Variants in RRP1B observed in about 807,000 individuals in gnomAD.
The protein encoded by RRP1B is ribosomal RNA processing protein 1 homolog B.
A neutral mutation model predicts 80.2 loss-of-function variants in RRP1B; 56 were observed. The ratio of observed to expected loss-of-function variants is 0.70; its 90% confidence interval spans 0.56 to 0.87. RRP1B has a LOEUF of 0.87. Ranked by LOEUF, RRP1B falls within the 40% of genes least tolerant of loss-of-function variation. The pLI is 0.00. For missense variants in RRP1B, 807 were observed against 939.8 expected (o/e 0.86, Z 1.85); for synonymous variants, 351 against 357.6 (o/e 0.98, Z 0.21).
chr21:43,687,406 T>G, intron 12 of RRP1B, 110 bp from the exon 13 acceptor site: 2 of 1,261,094 alleles, frequency 1.6e-6, no homozygotes, highest in Non-Finnish European at 2.1e-6. Flanking sequence ...ACTTTCCTCG[T>G]GGTAGAATGT....
intron 13 of RRP1B, among the ~76,000 whole-genome samples, chr21:43,689,203 G>A (rs79234581): frequency 0.024 from 3,687 of 152,350 alleles, 148 homozygotes; most frequent in African/African-American, 0.081. Flanking sequence ...ATGCTGCAGC[G>A]GCAGAGGGGA....
At chr21:43,668,382 A>G (rs2082986823) in intron 1 of RRP1B, among the ~76,000 whole-genome samples, 1 of 146,126 alleles carries the variant, frequency 6.8e-6, no homozygotes, top group Non-Finnish European at 1.5e-5. Flanking sequence ...TTTTTAAGAG[A>G]CGGACTCTCG....
intron 11 of RRP1B, 128 bp downstream of exon 11, chr21:43,685,917 T>C (rs1232346391): frequency 3.2e-6 from 4 of 1,259,376 alleles, no homozygotes; most frequent in South Asian, 1.5e-5. Flanking sequence ...TAAGAAATAA[T>C]AGTCCCTAGC....
At position 43,668,859 on chromosome 21, in the gene RRP1B, C is replaced by T. The variant is rs555268894; in HGVS notation, c.131-1025C>T. Among the ~76,000 whole-genome samples, 8 of 152,316 alleles carry T rather than the reference C, an allele frequency of 5.3e-5. No individual in the cohort carries two copies. In the East Asian group the frequency reaches 1.3e-3, roughly 26 times the overall value. ...GAGGATTCTGTTTGTGTTCTAATTT[C>T]ATGTATCCATAGGCTCGGAAACTCC... On this transcript the variant is annotated intron_variant, in intron 1 of 15. Transcript: ENST00000340648.
At position 43,674,003 on chromosome 21, in the gene RRP1B, G is replaced by A. The variant is rs2083010840; in HGVS notation, c.357+48G>A. On this transcript the variant is annotated intron_variant, in intron 4 of 15. Coordinates refer to ENST00000340648, the MANE Select transcript of RRP1B (RefSeq NM_015056.3). ...CAAAAACTCCTGGGAAGAAAAGAAT[G>A]TCCTTTATCTTAAAAACAATGGGAA... 1.5e-6 allele frequency: 2 copies of A among 1,370,028 alleles called. 1 individual carries two copies. Among genetic ancestry groups the A allele is most frequent in the South Asian group, 2.4e-5 (2 of 83,172 alleles). The allele number at this position is 1,370,028 out of a possible 1,614,324, so 84.9% of individuals were successfully genotyped here.
intron 1 of RRP1B, among the ~76,000 whole-genome samples, chr21:43,668,896 C>G (rs1462839231): frequency 6.6e-6 from 1 of 152,320 alleles, no homozygotes; most frequent in Admixed American, 6.5e-5. Flanking sequence ...AGACTGTACA[C>G]CTACCTTATC....
chr21:43,676,385 G>A (rs1398111262), intron 7 of RRP1B, 49 bp downstream of exon 7: 1 of 1,433,714 alleles, frequency 7.0e-7, no homozygotes. Flanking sequence ...ATTTGCTCAT[G>A]GGAGTTACTT....
chr21:43,674,929 A>ATT, intron 5 of RRP1B, 105 bp from the exon 6 acceptor site: 3 of 1,440,146 alleles, frequency 2.1e-6, no homozygotes, highest in Non-Finnish European at 9.4e-7. Flanking sequence ...CCTTGCATTG[A>ATT]TTGTTAGGCT....
Position 43,691,619 on chromosome 21 carries a change from G to T in RRP1B, c.2083+117G>T. The T allele has an allele frequency of 1.4e-6, 1 of 718,822 alleles. No homozygotes were observed. Among genetic ancestry groups the T allele is most frequent in the Middle Eastern group, 3.2e-4 (1 of 3,108 alleles). The allele number at this position is 718,822 out of a possible 1,614,324, so 44.5% of individuals were successfully genotyped here. A position where few individuals can be genotyped will look rare whatever the true frequency, so the allele number is the denominator to read the frequency against. On this transcript the variant is annotated intron_variant, in intron 15 of 15. Transcript: ENST00000340648. This position sits in a 1 kb window ranked among gnomAD's most constrained non-coding sequence, Gnocchi z 4.2. ...AAGAGGGGGGTCCTAGCTCCTCACT[G>T]CCCATTTCTTTATTTTTATTTTTTT...
At chr21:43,692,275 G>A (rs932164910) in intron 15 of RRP1B, among the ~76,000 whole-genome samples, 1 of 152,102 alleles carries the variant, frequency 6.6e-6, no homozygotes, top group Non-Finnish European at 1.5e-5. Flanking sequence ...CCATCCATTC[G>A]AGTTGCTTTT....
chr21:43,676,595 C>A, intron 7 of RRP1B, 138 bp from the exon 8 acceptor site: 2 of 805,884 alleles, frequency 2.5e-6, no homozygotes, highest in Non-Finnish European at 3.9e-6. Context: ...TTAGGCAGTT[C>A]CTCTCAGATG....
chr21:43,692,876 G>A (rs905234747), intron 15 of RRP1B, among the ~76,000 whole-genome samples: 1 of 152,150 alleles, frequency 6.6e-6, no homozygotes, highest in Admixed American at 6.5e-5. Flanking sequence ...CAAATGCCTG[G>A]TTCACTCATT....
chr21:43,667,875 C>A (rs567497072), intron 1 of RRP1B, among the ~76,000 whole-genome samples: 1 of 152,294 alleles, frequency 6.6e-6, no homozygotes, highest in East Asian at 1.9e-4. Flanking sequence ...TATGTTAGTT[C>A]CTGATATCCT....
chr21:43,676,918 G>A lies in RRP1B; in HGVS notation c.796+4G>A, dbSNP rs745434200. 33 of 1,613,424 alleles carry A rather than the reference G, an allele frequency of 2.0e-5. No individual in the cohort carries two copies. The highest frequency in any genetic ancestry group is 2.6e-5 in the Non-Finnish European group (31 of 1,179,578). ...GCTGTCAGTAAAAAGAAGACAGGTA[G>A]GAGGATGTTCTTGGTCAGTGTAGCT... On this transcript the variant is annotated splice_donor_region_variant and intron_variant, in intron 8 of 15. Coordinates refer to ENST00000340648, the MANE Select transcript of RRP1B (RefSeq NM_015056.3).
chr21:43,667,605 G>A (rs1438232431), intron 1 of RRP1B, among the ~76,000 whole-genome samples: 1 of 152,114 alleles, frequency 6.6e-6, no homozygotes, highest in Non-Finnish European at 1.5e-5. Context: ...CTTGCCCAAA[G>A]CCTTCAATTC....
intron 8 of RRP1B, among the ~76,000 whole-genome samples, chr21:43,681,708 T>C (rs530287790): frequency 6.6e-6 from 1 of 152,278 alleles, no homozygotes; most frequent in African/African-American, 2.4e-5. Flanking sequence ...TCCCATCACT[T>C]TGGGAGCCTG....
intron 8 of RRP1B, among the ~76,000 whole-genome samples, chr21:43,678,219 G>T (rs1183328924): frequency 2.0e-5 from 3 of 152,066 alleles, no homozygotes; most frequent in Admixed American, 6.6e-5. Context: ...GAGTGCAGTG[G>T]TGCCATCTCA....
chr21:43,664,490 T>A (rs571566196), intron 1 of RRP1B, among the ~76,000 whole-genome samples: 7 of 152,318 alleles, frequency 4.6e-5, no homozygotes, highest in African/African-American at 1.7e-4. Context: ...CAATAAATCT[T>A]TCATATAGTA....
chr21:43,685,892 ACTGAAAACCT>A lies in RRP1B; in HGVS notation c.1009+108_1009+117del. ...TGAGAAACAAGATTGAAAGAACTTTACTGAAAACCTCTGATAAGAAATAATAGTCCCTAGC... is the reference window on the plus strand; with the variant it reads ...TGAGAAACAAGATTGAAAGAACTTTACTGATAAGAAATAATAGTCCCTAGC... On this transcript the variant is annotated intron_variant, in intron 11 of 15. Transcript: ENST00000340648. 13 of 1,403,174 alleles carry A rather than the reference ACTGAAAACCT, an allele frequency of 9.3e-6. No individual in the cohort carries two copies. In the South Asian group the frequency reaches 1.8e-4, roughly 19 times the overall value. The allele number at this position is 1,403,174 out of a possible 1,614,324, so 86.9% of individuals were successfully genotyped here. A position where few individuals can be genotyped will look rare whatever the true frequency, so the allele number is the denominator to read the frequency against.
Sources: allele counts gnomAD v4.1 joint callset (sites outside exome capture counted in the v4.1 genomes callset), GRCh38; gene constraint gnomAD v4.1.1; non-coding constraint Gnocchi (gnomAD v3.1); transcripts MANE v1.5; gene names NCBI Gene and HGNC (gene_info 2026-07-23, HGNC 2026-07-21).